Variants in CCDC42 observed in about 807,000 individuals in gnomAD.
CCDC42 encodes coiled-coil domain-containing protein 42.
CCDC42 carries 38 observed loss-of-function variants against 40.8 expected under a neutral mutation model. That is an observed-to-expected ratio of 0.93 (90% CI 0.72 to 1.22). CCDC42 has a LOEUF of 1.22. Among genes scored for constraint, CCDC42 ranks in the 50% most tolerant of loss-of-function variants. The pLI, the probability that CCDC42 is intolerant of heterozygous loss-of-function variation, is 0.00. For synonymous variants in CCDC42, 135 were observed against 157.5 expected (o/e 0.86, Z 1.07); for missense variants, 379 against 416.5 (o/e 0.91, Z 0.78).
chr17:8,738,255 C>T (rs80051038), intron 4 of CCDC42, among the ~76,000 whole-genome samples: 8,168 of 152,072 alleles, frequency 0.054, 463 homozygotes, highest in East Asian at 0.18. Context: ...TGCAGAGAGA[C>T]GCAAATGGAT....
intron 1 of CCDC42, 127 bp from the exon 2 acceptor site, chr17:8,744,311 G>T: frequency 2.6e-6 from 2 of 776,530 alleles, no homozygotes; most frequent in Non-Finnish European, 4.3e-6. Context: ...CGAGGGAAAG[G>T]GCTGTTGTGT....
intron 6 of CCDC42, among the ~76,000 whole-genome samples, chr17:8,732,300 A>G (rs1474159334): frequency 1.8e-4 from 2 of 11,238 alleles, no homozygotes; most frequent in Non-Finnish European, 3.8e-4. Flanking sequence ...CTCCGTCTCA[A>G]AAAAAAAAAA....
In CCDC42 at chr17:8,735,162, G is replaced by T. The variant is rs762112638; in HGVS notation, c.807C>A (p.Ile269=). 3.1e-6 allele frequency: 5 copies of T among 1,614,030 alleles called. No homozygotes were observed. Among genetic ancestry groups the T allele is most frequent in the South Asian group, 2.2e-5 (2 of 91,084 alleles). Residue 269 remains isoleucine, a synonymous_variant, in exon 6 of 7, where the codon ATC becomes ATA. Transcript: ENST00000293845. The surrounding 1 kb of genome is among the most constrained non-coding windows in gnomAD (Gnocchi z 4.7). The part of the protein sequence containing the change: ...IKMATLNLFQ[I]VSKHLKEVTE... ...TCACCTCCTTCAGGTGCTTGCTCAC[G>T]ATCTGGAAGAGGTTCAGCGTGGCCA...
intron 6 of CCDC42, among the ~76,000 whole-genome samples, chr17:8,731,635 C>T (rs1344705650): frequency 2.0e-5 from 3 of 152,170 alleles, no homozygotes; most frequent in Non-Finnish European, 4.4e-5. Flanking sequence ...CTATCCTTAG[C>T]AAACTAACGC....
intron 6 of CCDC42, among the ~76,000 whole-genome samples, chr17:8,732,954 C>T (rs1393421936): frequency 6.6e-6 from 1 of 152,198 alleles, no homozygotes; most frequent in Non-Finnish European, 1.5e-5. Context: ...TCTCTATAAG[C>T]AGCTGCCTTA....
chr17:8,735,485 T>C lies in CCDC42; in HGVS notation c.619A>G (p.Met207Val). 3 of 1,614,124 alleles carry C rather than the reference T, an allele frequency of 1.9e-6. No homozygotes were observed. The highest frequency in any genetic ancestry group is 1.7e-6 in the Non-Finnish European group (2 of 1,180,034). The change falls in exon 5 of 7, where the codon ATG (methionine) becomes GTG (valine). Residue 207 changes from methionine to valine, a missense_variant. Met to Val is a conservative substitution (Grantham distance 21). Coordinates refer to ENST00000293845, the MANE Select transcript of CCDC42 (RefSeq NM_144681.3). This position sits in a 1 kb window ranked among gnomAD's most constrained non-coding sequence, Gnocchi z 4.7. Reference protein sequence around the residue: ...ERAKARLARYMEEKDDEILQQ... With the variant: ...ERAKARLARYVEEKDDEILQQ... ...AGGATCTCATCATCCTTTTCCTCCA[T>C]GTAGCGCGCCAGCCGGGCCTTGGCG...
At chr17:8,741,846 T>C (rs1461492135) in intron 3 of CCDC42, among the ~76,000 whole-genome samples, 175 bp from the exon 4 acceptor site, 1 of 152,154 alleles carries the variant, frequency 6.6e-6, no homozygotes, top group Admixed American at 6.5e-5. Flanking sequence ...GAAAAGGCTC[T>C]CCAGGGGTAT....
rs200503858 is a variant in CCDC42 at position 8,735,423 on chromosome 17, G to A, written c.681C>T (p.Arg227=). 85 of 1,614,016 alleles carry A rather than the reference G, an allele frequency of 5.3e-5. No individual in the cohort carries two copies. The highest frequency in any genetic ancestry group is 4.9e-4 in the Middle Eastern group (3 of 6,062). Residue 227 remains arginine (R), a synonymous_variant, in exon 5 of 7, where the codon CGC becomes CGT. Coordinates refer to ENST00000293845, the MANE Select transcript of CCDC42 (RefSeq NM_144681.3). This position sits in a 1 kb window ranked among gnomAD's most constrained non-coding sequence, Gnocchi z 4.7. Reference sequence around the variant, plus strand: ...TGACATTGCTGCGGGCACGGTCAAAGCGCATCTGCAGCCTTGCCAGCTCAT... The same window carrying A: ...TGACATTGCTGCGGGCACGGTCAAAACGCATCTGCAGCCTTGCCAGCTCAT... The part of the protein sequence containing the change: ...QNNELARLQM[R]FDRARSNVIF...
intron 4 of CCDC42, among the ~76,000 whole-genome samples, chr17:8,738,495 T>A (rs2086624417): frequency 6.7e-6 from 1 of 149,622 alleles, no homozygotes; most frequent in African/African-American, 2.5e-5. Flanking sequence ...AGACGGAGTC[T>A]AGCTCTGTCA....
At chr17:8,742,404 G>A (rs892417946) in intron 3 of CCDC42, among the ~76,000 whole-genome samples, 19 of 152,156 alleles carry the variant, frequency 1.2e-4, no homozygotes, top group African/African-American at 3.6e-4. Flanking sequence ...CTGGCATCCC[G>A]CTGAGGGAGG....
At chr17:8,730,816 A>G (rs904170053) in intron 6 of CCDC42, among the ~76,000 whole-genome samples, 1 of 152,138 alleles carries the variant, frequency 6.6e-6, no homozygotes, top group Non-Finnish European at 1.5e-5. Context: ...GGGATAAGAA[A>G]GAAAGGGTCA....
intron 3 of CCDC42, among the ~76,000 whole-genome samples, chr17:8,742,386 A>G (rs1473436382): frequency 6.6e-6 from 1 of 152,120 alleles, no homozygotes; most frequent in Non-Finnish European, 1.5e-5. Context: ...TGCTCCTAGG[A>G]GCTCAGACTG....
intron 4 of CCDC42, among the ~76,000 whole-genome samples, chr17:8,739,875 G>T (rs1254193179): frequency 2.0e-5 from 3 of 148,708 alleles, no homozygotes; most frequent in Non-Finnish European, 3.0e-5. Flanking sequence ...TTTTAATCTG[G>T]TAGTCCCTCC....
chr17:8,742,583 T>C (rs2086651971), intron 3 of CCDC42, among the ~76,000 whole-genome samples: 1 of 152,172 alleles, frequency 6.6e-6, no homozygotes, highest in Admixed American at 6.5e-5. Flanking sequence ...TGATTCCACA[T>C]AGACAGGCGT....
rs759850510 is a variant in CCDC42 at position 8,743,688 on chromosome 17, C to T, written c.232G>A (p.Glu78Lys). The change falls in exon 3 of 7, where the codon GAA becomes AAA. Residue 78 changes from glutamate to lysine, a missense_variant. Glu to Lys is a moderately conservative substitution (Grantham distance 56, BLOSUM62 1). Transcript: ENST00000293845. The part of the protein sequence containing the change: ...RMETLNLRWE[E>K]LGVKEAQLKA... ...AGTTGGGCTTCCTTAACGCCCAGTTCCTCCCAGCGCAGGTTCAGGGTTTCC... is the reference window on the plus strand; with the variant it reads ...AGTTGGGCTTCCTTAACGCCCAGTTTCTCCCAGCGCAGGTTCAGGGTTTCC... The T allele has an allele frequency of 3.7e-5, 60 of 1,613,286 alleles. No individual in the cohort carries two copies. The East Asian group carries it at 1.3e-3, about 36-fold the overall frequency.
At position 8,730,245 on chromosome 17, in the gene CCDC42, C is replaced by A. The variant is rs202245633; in HGVS notation, c.874-38G>T. On this transcript the variant is annotated intron_variant, in intron 6 of 6. Coordinates refer to ENST00000293845, the MANE Select transcript of CCDC42 (RefSeq NM_144681.3). The stretch of plus-strand genomic sequence containing the variant: ...GGAGCCCAGCGTTAACTCCGCCCCC[C>A]AGAGGCCTCCCCTGTCCCAAGATGG... The A allele has an allele frequency of 5.3e-6, 8 of 1,512,608 alleles. No individual in the cohort carries two copies. In the East Asian group the frequency reaches 1.6e-4, roughly 30 times the overall value. The allele number at this position is 1,512,608 out of a possible 1,614,324, so 93.7% of individuals were successfully genotyped here.
rs200479173 is a variant in CCDC42, at chr17:8,735,355, G to A, written c.714+35C>T. 2.7e-5 allele frequency: 44 copies of A among 1,612,040 alleles called. No individual in the cohort carries two copies. In the East Asian group the frequency reaches 9.4e-4, roughly 34 times the overall value. On this transcript the variant is annotated intron_variant, in intron 5 of 6. Transcript: ENST00000293845. This position sits in a 1 kb window ranked among gnomAD's most constrained non-coding sequence, Gnocchi z 4.7. ...TGCTCAGGGCCCGCACTCACCCAGT[G>A]CCTGGGAGCCCCCGGCCCGCCCCGG...
At chr17:8,737,668 A>G (rs1270373541) in intron 4 of CCDC42, among the ~76,000 whole-genome samples, 1 of 152,160 alleles carries the variant, frequency 6.6e-6, no homozygotes, top group Non-Finnish European at 1.5e-5. Flanking sequence ...ATCAATAAAG[A>G]TTAATTTTAC....
Position 8,744,487 on chromosome 17 carries a change from AG to A in CCDC42, c.83+39del, listed in dbSNP as rs1567537289. 2.0e-6 allele frequency: 3 copies of A among 1,535,720 alleles called. No homozygotes were observed. The African/African-American group carries it at 4.1e-5, about 21-fold the overall frequency. ...GTATGGGGTGGGTGTGAGTGGTCCC[AG>A]GCACAGAGGGGTGGGCAAGCCAGGC... is the stretch of plus-strand genomic sequence containing the variant. On this transcript the variant is annotated intron_variant, in intron 1 of 6. Coordinates refer to ENST00000293845, the MANE Select transcript of CCDC42 (RefSeq NM_144681.3).
Sources: gnomAD v4.1 joint callset for allele counts (sites outside exome capture counted in the v4.1 genomes callset) on GRCh38, gnomAD v4.1.1 for gene constraint, Gnocchi (gnomAD v3.1) non-coding constraint, MANE v1.5 for transcripts, NCBI Gene and HGNC (gene_info 2026-07-23, HGNC 2026-07-21) for gene names.